PRLR: variants seen among roughly 807,000 people sequenced by gnomAD.
The protein encoded by PRLR is hPRL receptor.
PRLR carries 13 observed loss-of-function variants against 40.2 expected under a neutral mutation model. The ratio of observed to expected loss-of-function variants is 0.32; its 90% CI spans 0.21 to 0.51. The LOEUF is 0.51. PRLR is among the 20% of genes least tolerant of loss of function. The probability of loss-of-function intolerance (pLI) is 0.97; values close to 1 mark genes in which losing one functional copy is unlikely to be tolerated. For missense variants in PRLR, 656 were observed against 747.3 expected, an observed-to-expected ratio of 0.88 and a Z score of 1.42; for synonymous variants, 269 against 278.7, an observed-to-expected ratio of 0.97 and a Z score of 0.35.
At chr5:35,070,068 A>C in intron 7 of PRLR, 56 bp downstream of exon 7, 1 of 1,562,290 alleles carries the variant, frequency 6.4e-7, no homozygotes, top group Non-Finnish European at 8.6e-7. Context: ...TTATATGCAA[A>C]TATACCATTT....
chr5:35,148,164 TA>T (rs996461268), intron 1 of PRLR, among the ~76,000 whole-genome samples: 1 of 152,118 alleles, frequency 6.6e-6, no homozygotes, highest in Non-Finnish European at 1.5e-5. Flanking sequence ...AACTGTCTTT[TA>T]AAAAAATTGC....
intron 1 of PRLR, among the ~76,000 whole-genome samples, chr5:35,131,272 T>C (rs1056067198): frequency 6.6e-6 from 1 of 152,192 alleles, no homozygotes; most frequent in African/African-American, 2.4e-5. Flanking sequence ...GCACATGTTT[T>C]ATTCTAGTGT....
chr5:35,191,937 ACT>A (rs1775618999), intron 1 of PRLR, among the ~76,000 whole-genome samples: 1 of 151,646 alleles, frequency 6.6e-6, no homozygotes, highest in Admixed American at 6.6e-5. Flanking sequence ...GCTACCCAGA[ACT>A]CTTCTCCTTC....
intron 1 of PRLR, among the ~76,000 whole-genome samples, chr5:35,179,388 T>C (rs1370995906): frequency 2.0e-5 from 3 of 152,194 alleles, no homozygotes; most frequent in South Asian, 2.1e-4. Context: ...GCTTCATCCA[T>C]GCTGTAATTT....
chr5:35,063,806 T>C lies in PRLR; in HGVS notation c.*1283A>G, dbSNP rs1412171051. Reference sequence around the variant, plus strand: ...TGGTAGCTTTAGGAAGATTCACCCATTGATGAACAGGAGTCCCAGAGGAGC... The same window carrying C: ...TGGTAGCTTTAGGAAGATTCACCCACTGATGAACAGGAGTCCCAGAGGAGC... On this transcript the variant is annotated 3_prime_UTR_variant, in exon 10 of 10. Transcript: ENST00000618457. The C allele has an allele frequency of 1.3e-5, 2 of 152,176 alleles. No homozygotes were observed. Among genetic ancestry groups the C allele is most frequent in the Admixed American group, 1.3e-4 (2 of 15,272 alleles). The allele number at this position is 152,176 out of a possible 1,614,324, so 9.4% of individuals were successfully genotyped here.
At chr5:35,051,871 A>G (rs1768508939), downstream of PRLR, among the ~76,000 whole-genome samples, 1 of 152,220 alleles carries the variant, frequency 6.6e-6, no homozygotes, top group Admixed American at 6.5e-5. Context: ...GAAACTTACC[A>G]GAGAATTACC....
intron 1 of PRLR, among the ~76,000 whole-genome samples, chr5:35,153,685 C>T (rs1458169133): frequency 1.3e-5 from 2 of 150,264 alleles, no homozygotes; most frequent in African/African-American, 2.4e-5. Context: ...CCATTTCTTG[C>T]TCATTGCTCT....
At position 35,060,595 on chromosome 5, in the gene PRLR, A is replaced by G. The variant is rs1242880105; in HGVS notation, c.*4494T>C. The G allele has an allele frequency of 6.6e-6, 1 of 152,236 alleles. No individual in the cohort carries two copies. The highest frequency in any genetic ancestry group is 2.4e-5 in the African/African-American group (1 of 41,454). The allele number at this position is 152,236 out of a possible 1,614,324, so 9.4% of individuals were successfully genotyped here. A position where few individuals can be genotyped will look rare whatever the true frequency, so the allele number is the denominator to read the frequency against. Reference sequence around the variant, plus strand: ...GGCCAGAGTTTAAAAGACTCATCCCAGGACATAGTGCCTACTTAGTCGTGG... The same window carrying G: ...GGCCAGAGTTTAAAAGACTCATCCCGGGACATAGTGCCTACTTAGTCGTGG... On this transcript the variant is annotated 3_prime_UTR_variant, in exon 10 of 10. Coordinates refer to ENST00000618457, the MANE Select transcript of PRLR (RefSeq NM_000949.7).
chr5:35,180,044 G>A (rs916264172), intron 1 of PRLR, among the ~76,000 whole-genome samples: 9 of 152,062 alleles, frequency 5.9e-5, no homozygotes, highest in South Asian at 2.1e-4. Flanking sequence ...TGGGAGTGAC[G>A]GGAGACAATG....
At chr5:35,116,581 A>C (rs958646812) in intron 2 of PRLR, among the ~76,000 whole-genome samples, 6 of 152,174 alleles carry the variant, frequency 3.9e-5, no homozygotes, top group Non-Finnish European at 7.3e-5. Context: ...TCCACTCAGT[A>C]CTCAGCATTG....
chr5:35,126,823 G>A (rs184668076), intron 1 of PRLR, among the ~76,000 whole-genome samples: 30 of 152,244 alleles, frequency 2.0e-4, no homozygotes, highest in South Asian at 1.2e-3. Context: ...CATCTGGTAC[G>A]TGCCAGGAAT....
intron 1 of PRLR, among the ~76,000 whole-genome samples, chr5:35,145,250 C>T (rs770952210): frequency 2.0e-5 from 3 of 152,198 alleles, no homozygotes; most frequent in Admixed American, 1.3e-4. Flanking sequence ...CTGGAGCATC[C>T]GGTTGTCCTG....
intron 1 of PRLR, among the ~76,000 whole-genome samples, chr5:35,134,861 G>A (rs879519605): frequency 5.3e-5 from 8 of 152,208 alleles, no homozygotes; most frequent in South Asian, 2.1e-4. Context: ...ATTTAATGGC[G>A]TGGGGTGCCG....
chr5:35,134,190 T>A (rs576273215), intron 1 of PRLR, among the ~76,000 whole-genome samples: 1 of 151,904 alleles, frequency 6.6e-6, no homozygotes. Flanking sequence ...ATAAAAAAAA[T>A]AAACAACAAA....
intron 2 of PRLR, among the ~76,000 whole-genome samples, chr5:35,117,132 C>T (rs992637858): frequency 3.3e-5 from 5 of 152,064 alleles, no homozygotes; most frequent in African/African-American, 7.2e-5. Flanking sequence ...CAAAACGATC[C>T]GACCCAGAAT....
intron 3 of PRLR, among the ~76,000 whole-genome samples, chr5:35,089,198 G>A (rs249537): frequency 0.26 from 39,502 of 152,018 alleles, 9,140 homozygotes; most frequent in African/African-American, 0.62. Context: ...AAACATCACT[G>A]TCCTCACTTT....
At chr5:35,093,387 C>A (rs913540513) in intron 2 of PRLR, among the ~76,000 whole-genome samples, 1 of 152,196 alleles carries the variant, frequency 6.6e-6, no homozygotes, top group African/African-American at 2.4e-5. Flanking sequence ...TATGCAGTCC[C>A]CAAGCCAATC....
chr5:35,150,685 C>T (rs1039431), intron 1 of PRLR, among the ~76,000 whole-genome samples: 120,435 of 152,050 alleles, frequency 0.79, 50,357 homozygotes, highest in Non-Finnish European at 0.92. Context: ...TATTGAAAGA[C>T]ATATGATAAA....
chr5:35,072,626 G>A lies in PRLR; in HGVS notation c.492C>T (p.Phe164=), dbSNP rs1209687175. ...TTAATCGAATTTCATACAGGAGCGT[G>A]AACCAACCAGTTTTTAAGTCAATCA... is the stretch of plus-strand genomic sequence containing the variant. ...PTLIDLKTGW[F]TLLYEIRLKP... Residue 164 remains phenylalanine, a synonymous_variant, in exon 6 of 10, where the codon TTC becomes TTT. Coordinates refer to ENST00000618457, the MANE Select transcript of PRLR (RefSeq NM_000949.7). 6.2e-7 allele frequency: 1 copy of A among 1,614,126 alleles called. No individual in the cohort carries two copies. The highest frequency in any genetic ancestry group is 1.1e-5 in the South Asian group (1 of 91,074).
Sources: gnomAD v4.1 joint callset for allele counts (sites outside exome capture counted in the v4.1 genomes callset) on GRCh38, gnomAD v4.1.1 for gene constraint, MANE v1.5 for transcripts, NCBI Gene and HGNC (gene_info 2026-07-23, HGNC 2026-07-21) for gene names.